The following DMD variants were observed in gnomAD, a reference collection of about 807,000 sequenced individuals.
DMD encodes the protein dystrophin.
Under a neutral mutation model 330.1 loss-of-function variants are expected in DMD, and 63 were observed. The observed-to-expected ratio is 0.19, with a 90% CI of 0.16 to 0.24. The LOEUF is 0.24. Ranked by LOEUF, DMD falls within the 10% of genes least tolerant of loss-of-function variation. The probability of loss-of-function intolerance (pLI) is 1.00; values close to 1 mark genes in which losing one functional copy is unlikely to be tolerated. For synonymous variants in DMD, 1,223 were observed against 959.8 expected (o/e 1.27, Z -5.07); for missense variants, 3,344 against 2,684.1 (o/e 1.25, Z -5.43).
chrX:32,228,299 C>T (rs1437847685), intron 43 of DMD, among the ~76,000 whole-genome samples: 1 of 111,228 alleles, frequency 9.0e-6, no homozygotes, highest in Non-Finnish European at 1.9e-5. Flanking sequence ...TATAATGTTC[C>T]AGCAGACAAC....
chrX:32,813,623 G>A (rs1050505095), intron 6 of DMD, among the ~76,000 whole-genome samples: 1 of 111,571 alleles, frequency 9.0e-6, no homozygotes, highest in Non-Finnish European at 1.9e-5. Flanking sequence ...TATATAAGAA[G>A]AGTGATGTAT....
At chrX:32,583,866 C>A (rs1371579385) in intron 13 of DMD, 2 of 111,262 alleles carry the variant, frequency 1.8e-5, no homozygotes, top group African/African-American at 6.6e-5. Flanking sequence ...ATATAGCAAC[C>A]CAGGACCATA....
chrX:32,358,183 T>C (rs1292803948), intron 37 of DMD, among the ~76,000 whole-genome samples: 1 of 111,377 alleles, frequency 9.0e-6, no homozygotes, highest in Non-Finnish European at 1.9e-5. Flanking sequence ...CTAGCATCTC[T>C]CCCAAATTGC....
At chrX:32,596,230 T>C (rs1354058166) in intron 12 of DMD, among the ~76,000 whole-genome samples, 2 of 107,777 alleles carry the variant, frequency 1.9e-5, no homozygotes, top group Non-Finnish European at 3.8e-5. Context: ...TCCATTACCA[T>C]AAAAATAAAA....
intron 7 of DMD, among the ~76,000 whole-genome samples, chrX:32,723,398 CTGTT>C (rs1377940231): frequency 9.0e-6 from 1 of 111,139 alleles, no homozygotes; most frequent in Non-Finnish European, 1.9e-5. Flanking sequence ...CTTGCGGTGT[CTGTT>C]TGACTTTCGT....
chrX:32,509,742 T>G (rs950962114), intron 18 of DMD, among the ~76,000 whole-genome samples: 4 of 111,946 alleles, frequency 3.6e-5, no homozygotes, highest in African/African-American at 1.3e-4. Flanking sequence ...GAACACAGTT[T>G]TCCTCCAACT....
At chrX:32,089,215 C>G (rs924231209) in intron 44 of DMD, among the ~76,000 whole-genome samples, 2 of 111,035 alleles carry the variant, frequency 1.8e-5, no homozygotes, top group Non-Finnish European at 3.8e-5. Context: ...CCCATCTCAC[C>G]TCCTCAGAAG....
chrX:32,475,850 C>A (rs1163745001), intron 21 of DMD, among the ~76,000 whole-genome samples: 1 of 110,582 alleles, frequency 9.0e-6, no homozygotes, highest in Non-Finnish European at 1.9e-5. Flanking sequence ...TCCTCTTTAC[C>A]GATTTGGATG....
intron 1 of DMD, among the ~76,000 whole-genome samples, chrX:33,074,525 G>T (rs2148187202): frequency 9.0e-6 from 1 of 110,510 alleles, no homozygotes; most frequent in East Asian, 2.9e-4. Context: ...AACCCCCAGT[G>T]TGGCAGTATT....
chrX:31,214,220 C>G (rs2045084444), intron 64 of DMD, among the ~76,000 whole-genome samples: 1 of 112,553 alleles, frequency 8.9e-6, no homozygotes, highest in South Asian at 3.6e-4. Flanking sequence ...AAGTGGGGCA[C>G]TTACAGGTAT....
intron 1 of DMD, among the ~76,000 whole-genome samples, chrX:33,033,554 C>CAAAAAAAAAAAAAAAAA (rs775790760): frequency 6.7e-5 from 5 of 74,503 alleles, no homozygotes; most frequent in Admixed American, 1.5e-4. Flanking sequence ...ACTAAAAATA[C>CAAAAAAAAAAAAAAAAA]AAAAAAAAAA....
chrX:32,386,225 CTAATCATACA>C, intron 33 of DMD, 75 bp downstream of exon 33: 1 of 1,079,685 alleles, frequency 9.3e-7, no homozygotes, highest in Non-Finnish European at 1.3e-6. Flanking sequence ...TGCTAAGACT[CTAATCATACA>C]TAATTTATTG....
intron 7 of DMD, among the ~76,000 whole-genome samples, chrX:32,779,437 T>C (rs2074489176): frequency 9.0e-6 from 1 of 110,828 alleles, no homozygotes; most frequent in African/African-American, 3.3e-5. Flanking sequence ...GTTTAATAAA[T>C]CATCTACATA....
intron 7 of DMD, among the ~76,000 whole-genome samples, chrX:32,806,307 G>A (rs1402041309): frequency 9.1e-6 from 1 of 109,674 alleles, no homozygotes; most frequent in Non-Finnish European, 1.9e-5. Context: ...TGATAAAATA[G>A]ACTTTAAACT....
intron 1 of DMD, among the ~76,000 whole-genome samples, chrX:33,226,037 T>C (rs1026848036): frequency 9.0e-6 from 1 of 111,535 alleles, no homozygotes; most frequent in Admixed American, 9.6e-5. Flanking sequence ...ACTCTGTGCA[T>C]ATTAGAATGG....
At chrX:31,434,199 A>G (rs1388780931) in intron 60 of DMD, among the ~76,000 whole-genome samples, 1 of 111,650 alleles carries the variant, frequency 9.0e-6, no homozygotes, top group Non-Finnish European at 1.9e-5. Context: ...TCTGCAGTCC[A>G]TTACTTCAAA....
At chrX:32,303,028 A>C (rs1374756050) in intron 42 of DMD, among the ~76,000 whole-genome samples, 2 of 111,147 alleles carry the variant, frequency 1.8e-5, no homozygotes, top group Admixed American at 1.9e-4. Flanking sequence ...GATGTGGAAA[A>C]ATGTTAGTAA....
intron 64 of DMD, among the ~76,000 whole-genome samples, chrX:31,222,120 C>T (rs1269884475): frequency 1.8e-5 from 2 of 110,620 alleles, no homozygotes; most frequent in Admixed American, 9.6e-5. Flanking sequence ...GGCGTGAACC[C>T]GGGAGGTGGA....
chrX:31,787,370 CTAAA>C (rs1477998091), intron 50 of DMD, among the ~76,000 whole-genome samples: 1 of 111,692 alleles, frequency 9.0e-6, no homozygotes, highest in Admixed American at 9.6e-5. Context: ...GAATCATTCT[CTAAA>C]TAAATAAATA....
Sources: gnomAD v4.1 joint callset for allele counts (sites outside exome capture counted in the v4.1 genomes callset) on GRCh38, gnomAD v4.1.1 for gene constraint, MANE v1.5 for transcripts, NCBI Gene and HGNC (gene_info 2026-07-23, HGNC 2026-07-21) for gene names.